PTPRN2: variants seen among roughly 807,000 people sequenced by gnomAD.
PTPRN2 encodes receptor-type tyrosine-protein phosphatase N2.
In PTPRN2, 74 loss-of-function variants were observed where a neutral mutation model predicts 118.8. The ratio of observed to expected loss-of-function variants is 0.62; its 90% CI spans 0.52 to 0.76. The LOEUF (loss-of-function observed/expected upper bound fraction) is 0.76, where lower values mean the gene tolerates loss of function less well. Ranked by LOEUF, PTPRN2 falls within the 30% of genes least tolerant of loss-of-function variation. PTPRN2 has a pLI of 0.00. For synonymous variants in PTPRN2, 641 were observed against 608.0 expected (o/e 1.05, Z -0.80); for missense variants, 1,481 against 1,394.4 (o/e 1.06, Z -0.99).
intron 1 of PTPRN2, among the ~76,000 whole-genome samples, chr7:158,518,486 G>A (rs560813095): frequency 6.6e-6 from 1 of 152,252 alleles, no homozygotes; most frequent in South Asian, 2.1e-4. Flanking sequence ...CAGCCAAGCC[G>A]GGCCAGAACG....
rs921855231 is a variant in PTPRN2, at chr7:158,526,004, C to T, written c.113-36219G>A. On this transcript the variant is annotated intron_variant, in intron 1 of 22. Transcript: ENST00000389418. This position sits in a 1 kb window ranked among gnomAD's most constrained non-coding sequence, Gnocchi z 5.2. ...ACTCGGCTCTCTGCAGACCTGCAGA[C>T]CTGCAGCCCAGCCCCTACTCTCCCC... Among the ~76,000 whole-genome samples the T allele has an allele frequency of 1.1e-4, 17 of 152,222 alleles. No homozygotes were observed. Among genetic ancestry groups the T allele is most frequent in the Non-Finnish European group, 2.2e-4 (15 of 68,038 alleles).
chr7:157,804,709 T>C (rs59461582), intron 12 of PTPRN2, among the ~76,000 whole-genome samples: 2,224 of 152,234 alleles, frequency 0.015, 54 homozygotes, highest in South Asian at 0.12. Flanking sequence ...GGGTGACCAG[T>C]AGGTGATGCA....
chr7:158,489,167 C>A (rs546532263), intron 2 of PTPRN2, among the ~76,000 whole-genome samples: 1 of 152,242 alleles, frequency 6.6e-6, no homozygotes, highest in African/African-American at 2.4e-5. Flanking sequence ...AAAACCTGGC[C>A]GGGCGCGGTG....
At chr7:158,162,339 A>G (rs1408914842) in intron 6 of PTPRN2, among the ~76,000 whole-genome samples, 2 of 152,244 alleles carry the variant, frequency 1.3e-5, no homozygotes, top group Non-Finnish European at 2.9e-5. Flanking sequence ...GGAAGCAACC[A>G]AGATGTTCCT....
At chr7:158,576,139 G>A (rs1828306102) in intron 1 of PTPRN2, among the ~76,000 whole-genome samples, 1 of 152,092 alleles carries the variant, frequency 6.6e-6, no homozygotes, top group African/African-American at 2.4e-5. Context: ...GGAACTCCCA[G>A]GCCTGGGTGA....
intron 12 of PTPRN2, among the ~76,000 whole-genome samples, chr7:157,819,003 C>T (rs996581786): frequency 2.0e-5 from 3 of 152,142 alleles, no homozygotes; most frequent in African/African-American, 4.8e-5. Context: ...AATCTGCACC[C>T]TGAGCCTCCT....
intron 10 of PTPRN2, among the ~76,000 whole-genome samples, chr7:158,094,289 C>T (rs1159273696): frequency 1.3e-5 from 2 of 152,046 alleles, no homozygotes; most frequent in African/African-American, 4.8e-5. Flanking sequence ...CAGGGCCACC[C>T]CATCTGTGTT....
At chr7:157,769,123 C>G (rs1212410557) in intron 12 of PTPRN2, among the ~76,000 whole-genome samples, 1 of 152,198 alleles carries the variant, frequency 6.6e-6, no homozygotes, top group Non-Finnish European at 1.5e-5. Context: ...ATCGTCATGA[C>G]AACGCCTCCA....
intron 12 of PTPRN2, among the ~76,000 whole-genome samples, chr7:157,759,521 A>G (rs1802007920): frequency 6.6e-6 from 1 of 152,192 alleles, no homozygotes; most frequent in Non-Finnish European, 1.5e-5. Context: ...TTAAAGTTGA[A>G]TTTAAAGCCA....
chr7:157,743,124 G>A (rs1800728467), intron 12 of PTPRN2, among the ~76,000 whole-genome samples: 1 of 152,178 alleles, frequency 6.6e-6, no homozygotes, highest in African/African-American at 2.4e-5. Flanking sequence ...CACTGAGCCT[G>A]GGCAGCTCCC....
intron 2 of PTPRN2, among the ~76,000 whole-genome samples, chr7:158,424,828 C>A (rs907535335): frequency 6.7e-6 from 1 of 149,822 alleles, no homozygotes; most frequent in Non-Finnish European, 1.5e-5. Flanking sequence ...GGTCCGGGGA[C>A]CTCGGGGCCC....
chr7:158,026,256 CAG>C (rs1331564431), intron 11 of PTPRN2, among the ~76,000 whole-genome samples: 17 of 152,214 alleles, frequency 1.1e-4, no homozygotes, highest in African/African-American at 3.9e-4. Context: ...TTTTCCCTAA[CAG>C]TAATTCACAG....
In PTPRN2 at chr7:157,632,661, G is replaced by T. The variant is rs1804034007; in HGVS notation, c.2197-11152C>A. Among the ~76,000 whole-genome samples the T allele has an allele frequency of 6.6e-6, 1 of 152,164 alleles. No homozygotes were observed. Among genetic ancestry groups the T allele is most frequent in the Non-Finnish European group, 1.5e-5 (1 of 68,034 alleles). ...AAAGAAGCTGTTTAATAATGGGGAT[G>T]ATGACAGAGGCATCACTTTGTATTT... is the stretch of plus-strand genomic sequence containing the variant. On this transcript the variant is annotated intron_variant, in intron 14 of 22. Coordinates refer to ENST00000389418, the MANE Select transcript of PTPRN2 (RefSeq NM_002847.5). This position sits in a 1 kb window ranked among gnomAD's most constrained non-coding sequence, Gnocchi z 4.3.
intron 12 of PTPRN2, among the ~76,000 whole-genome samples, chr7:157,730,715 A>G (rs981744024): frequency 1.3e-5 from 2 of 152,134 alleles, no homozygotes; most frequent in Non-Finnish European, 2.9e-5. Flanking sequence ...AAAACAGTGC[A>G]CGGCCCGCCT....
At chr7:158,166,028 G>A (rs1024906222) in intron 6 of PTPRN2, among the ~76,000 whole-genome samples, 3 of 152,110 alleles carry the variant, frequency 2.0e-5, no homozygotes, top group Non-Finnish European at 4.4e-5. Flanking sequence ...GGAGAGGTGA[G>A]TTCAGCGACA....
Position 158,275,644 on chromosome 7 carries a change from C to A in PTPRN2, c.277+41175G>T, listed in dbSNP as rs567639552. ...TAATAATTTAAAATTGCTAATTGCACGTAATCGCAAGTAATTTTTGTTCTT... is the reference window on the plus strand; with the variant it reads ...TAATAATTTAAAATTGCTAATTGCAAGTAATCGCAAGTAATTTTTGTTCTT... On this transcript the variant is annotated intron_variant, in intron 3 of 22. Transcript: ENST00000389418. 7.6e-4 allele frequency among the ~76,000 whole-genome samples: 116 copies of A among 152,222 alleles called. 1 individual carries two copies. Among genetic ancestry groups the A allele is most frequent in the Non-Finnish European group, 2.6e-4 (18 of 68,040 alleles).
rs557378300 is a variant in PTPRN2 at position 157,779,302 on chromosome 7, A to C, written c.1789-96365T>G. The stretch of plus-strand genomic sequence containing the variant: ...GCATGTGCTCGGTGGAGGAGGCCTA[A>C]CTGTTGCTACTCTTGGTGACCTGAG... On this transcript the variant is annotated intron_variant, in intron 12 of 22. Transcript: ENST00000389418. This position sits in a 1 kb window ranked among gnomAD's most constrained non-coding sequence, Gnocchi z 4.7. Among the ~76,000 whole-genome samples the C allele has an allele frequency of 5.3e-5, 8 of 152,154 alleles. No homozygotes were observed. The highest frequency in any genetic ancestry group is 8.8e-5 in the Non-Finnish European group (6 of 68,016).
chr7:158,133,073 C>T (rs1563483850), intron 9 of PTPRN2, among the ~76,000 whole-genome samples: 1 of 152,348 alleles, frequency 6.6e-6, no homozygotes, highest in African/African-American at 2.4e-5. Flanking sequence ...AATTCTGAGA[C>T]TCGTTAAGTT....
At position 157,809,416 on chromosome 7, in the gene PTPRN2, C is replaced by T. The variant is rs191267328; in HGVS notation, c.1788+89257G>A. Among the ~76,000 whole-genome samples, 330 of 150,588 alleles carry T rather than the reference C, an allele frequency of 2.2e-3. 1 individual carries two copies. Among genetic ancestry groups the T allele is most frequent in the Non-Finnish European group, 3.9e-3 (264 of 67,486 alleles). The stretch of plus-strand genomic sequence containing the variant: ...TGTGGAAGGAGCCCCGCGCCACCCC[C>T]GCCGTGTGAGCTCCCGCGTAGGCCC... On this transcript the variant is annotated intron_variant, in intron 12 of 22. Coordinates refer to ENST00000389418, the MANE Select transcript of PTPRN2 (RefSeq NM_002847.5).
Sources: allele counts gnomAD v4.1 joint callset (sites outside exome capture counted in the v4.1 genomes callset), GRCh38; gene constraint gnomAD v4.1.1; non-coding constraint Gnocchi (gnomAD v3.1); transcripts MANE v1.5; gene names NCBI Gene and HGNC (gene_info 2026-07-23, HGNC 2026-07-21).